Variants in HNRNPA3 observed in about 807,000 individuals in gnomAD.
HNRNPA3 encodes epididymis secretory sperm binding protein.
A neutral mutation model predicts 45.8 loss-of-function variants in HNRNPA3; 3 were observed. That is an observed-to-expected ratio of 0.07 (90% CI 0.03 to 0.17). The LOEUF (loss-of-function observed/expected upper bound fraction) is 0.17. HNRNPA3 is among the 10% of genes least tolerant of loss of function. The pLI is 1.00. For missense variants in HNRNPA3, 183 were observed against 480.3 expected (o/e 0.38, Z 5.79); for synonymous variants, 170 against 155.6 (o/e 1.09, Z -0.69).
chr2:177,213,049 C>G (rs1334088516), intron 1 of HNRNPA3, among the ~76,000 whole-genome samples, 178 bp downstream of exon 1: 1 of 152,178 alleles, frequency 6.6e-6, no homozygotes, highest in African/African-American at 2.4e-5. Context: ...TCGCCCGCCT[C>G]GCCTTCACCT....
At chr2:177,222,984 G>A (rs942078930), downstream of HNRNPA3, 4 of 152,458 alleles carry the variant, frequency 2.6e-5, no homozygotes, top group African/African-American at 4.8e-5. Flanking sequence ...CTGAATTACC[G>A]TTCAAACTGG....
rs58476089 is a variant in HNRNPA3 at position 177,218,052 on chromosome 2, C to CTTTTT, written c.961+230_961+234dup. On this transcript the variant is annotated intron_variant, in intron 8 of 10. Transcript: ENST00000392524. ...ACAAATGTACTCAGCTCTCTTTTTT[C>CTTTTT]TTTTTTTTTTTTTTTTTTTTTTTTT... is the stretch of plus-strand genomic sequence containing the variant. Among the ~76,000 whole-genome samples, 94 of 102,168 alleles carry CTTTTT rather than the reference C, an allele frequency of 9.2e-4. 7 individuals carry two copies. Among genetic ancestry groups the CTTTTT allele is most frequent in the Non-Finnish European group, 1.3e-3 (65 of 51,388 alleles). 67.0% of individuals were successfully genotyped at this position (102,168 alleles called of 152,430 possible). A position where few individuals can be genotyped will look rare whatever the true frequency, so the allele number is the denominator to read the frequency against.
chr2:177,218,615 G>A (rs771476880), intron 8 of HNRNPA3, among the ~76,000 whole-genome samples: 1 of 152,284 alleles, frequency 6.6e-6, no homozygotes, highest in East Asian at 1.9e-4. Context: ...TAGTTGAAGC[G>A]TTTAAGCAAG....
chr2:177,218,895 C>T (rs1157619814), intron 8 of HNRNPA3, 142 bp from the exon 9 acceptor site: 3 of 937,210 alleles, frequency 3.2e-6, no homozygotes, highest in Non-Finnish European at 4.8e-6. Flanking sequence ...AATATCCTGA[C>T]ATCAGTTACC....
exon 11 of HNRNPA3, chr2:177,219,711 G>A (rs1207870040): frequency 1.3e-5 from 2 of 156,498 alleles, no homozygotes; most frequent in African/African-American, 2.4e-5. Context: ...ATTACATCAG[G>A]TATATTGCCC....
At chr2:177,221,905 A>T (rs1689199131), downstream of HNRNPA3, 1 of 152,666 alleles carries the variant, frequency 6.6e-6, no homozygotes, top group Non-Finnish European at 1.5e-5. Flanking sequence ...CTTTTGGAAC[A>T]TCAATGAGAG....
chr2:177,212,989 G>C (rs543985858), intron 1 of HNRNPA3, 118 bp downstream of exon 1: 9 of 610,780 alleles, frequency 1.5e-5, no homozygotes, highest in East Asian at 1.4e-4. Flanking sequence ...CGTTGAGACA[G>C]GCTGTGGGAG....
At chr2:177,214,540 A>C (rs376838517) in intron 1 of HNRNPA3, among the ~76,000 whole-genome samples, 2 of 152,226 alleles carry the variant, frequency 1.3e-5, no homozygotes, top group East Asian at 3.8e-4. Context: ...TCACGCCTGT[A>C]ATTCTAGCAC....
chr2:177,220,963 T>C (rs1307869602), downstream of HNRNPA3: 3 of 152,592 alleles, frequency 2.0e-5, no homozygotes, highest in African/African-American at 7.2e-5. Context: ...TTTTAAGAAG[T>C]ACTAAGCAAA....
In HNRNPA3 at chr2:177,215,534, C is replaced by T. The variant is rs747546268; in HGVS notation, c.73-5C>T. ...TAACTTAAGAGTATTGGTTCTTTCTCTCAGGGCCATGATCCAAAGGAACCA... is the reference window on the plus strand; with the variant it reads ...TAACTTAAGAGTATTGGTTCTTTCTTTCAGGGCCATGATCCAAAGGAACCA... On this transcript the variant is annotated splice_region_variant and splice_polypyrimidine_tract_variant and intron_variant, in intron 1 of 10. Coordinates refer to ENST00000392524, the Ensembl canonical transcript of HNRNPA3. 2 of 1,613,686 alleles carry T rather than the reference C, an allele frequency of 1.2e-6. No homozygotes were observed. The highest frequency in any genetic ancestry group is 2.7e-5 in the African/African-American group (2 of 74,912).
chr2:177,220,881 T>A (rs914374914), downstream of HNRNPA3: 17 of 152,628 alleles, frequency 1.1e-4, no homozygotes, highest in African/African-American at 3.9e-4. Context: ...TGCTTACAGT[T>A]TCATTCGAGC....
downstream of HNRNPA3, chr2:177,223,079 C>T (rs1031014672): frequency 3.3e-5 from 5 of 152,454 alleles, no homozygotes; most frequent in African/African-American, 1.2e-4. Flanking sequence ...AAAAAAAATC[C>T]TTTGGAGACA....
chr2:177,215,461 A>G (rs1688892992), intron 1 of HNRNPA3, 78 bp from the exon 2 acceptor site: 1 of 1,386,782 alleles, frequency 7.2e-7, no homozygotes, highest in Admixed American at 1.8e-5. Flanking sequence ...TTTATTACTT[A>G]CCGTACATTA....
exon 4 of HNRNPA3, chr2:177,216,088 G>A (rs1688920643): frequency 6.4e-7 from 1 of 1,560,014 alleles, no homozygotes. Context: ...AGTATGGCAA[G>A]ATTGAAACCA....
intron 10 of HNRNPA3, 34 bp downstream of exon 10, chr2:177,219,348 A>G: frequency 6.8e-7 from 1 of 1,473,314 alleles, no homozygotes; most frequent in Non-Finnish European, 9.4e-7. Flanking sequence ...ATGATGATAA[A>G]AGAATATGTG....
chr2:177,222,008 T>A (rs1337507923), downstream of HNRNPA3: 1 of 152,636 alleles, frequency 6.6e-6, no homozygotes, highest in Non-Finnish European at 1.5e-5. Context: ...TTTCACTAAT[T>A]AAAGAGTAAT....
At chr2:177,223,192 CAG>C (rs1204943365), downstream of HNRNPA3, 1 of 152,136 alleles carries the variant, frequency 6.6e-6, no homozygotes, top group Non-Finnish European at 1.5e-5. Context: ...CTATTTAAAT[CAG>C]AACCCAATTT....
intron 1 of HNRNPA3, 39 bp downstream of exon 1, chr2:177,212,910 G>C: frequency 7.8e-7 from 1 of 1,281,880 alleles, no homozygotes; most frequent in Non-Finnish European, 1.0e-6. Context: ...GGGAATGGCC[G>C]GCGTTGGGGG....
intron 1 of HNRNPA3, among the ~76,000 whole-genome samples, chr2:177,214,812 A>AC (rs893873389): frequency 5.9e-5 from 9 of 152,204 alleles, no homozygotes; most frequent in African/African-American, 1.9e-4. Context: ...AAACAAACAA[A>AC]AAAATTAAAT....
Sources: allele counts gnomAD v4.1 joint callset (sites outside exome capture counted in the v4.1 genomes callset), GRCh38; gene constraint gnomAD v4.1.1; transcripts MANE v1.5; gene names NCBI Gene and HGNC (gene_info 2026-07-23, HGNC 2026-07-21).